PDZD2: variants seen among roughly 807,000 people sequenced by gnomAD.
PDZD2 encodes PDZ domain-containing protein 2.
PDZD2 carries 90 observed loss-of-function variants against 220.7 expected under a neutral mutation model. The observed-to-expected ratio is 0.41, with a 90% CI of 0.34 to 0.49. The LOEUF (loss-of-function observed/expected upper bound fraction) is 0.49. Ranked by LOEUF, PDZD2 falls within the 20% of genes least tolerant of loss-of-function variation. The pLI is 0.28. For missense variants in PDZD2, 3,174 were observed against 3,608.5 expected (o/e 0.88, Z 3.08); for synonymous variants, 1,375 against 1,450.5 (o/e 0.95, Z 1.18).
rs755913059 is a variant in PDZD2, at chr5:32,089,692, G to A, written c.6244G>A (p.Asp2082Asn). 1.4e-5 allele frequency: 23 copies of A among 1,614,076 alleles called. No individual in the cohort carries two copies. Among genetic ancestry groups the A allele is most frequent in the Admixed American group, 1.2e-4 (7 of 60,012 alleles). The change falls in exon 20 of 25, where the codon GAT (aspartate) becomes AAT (asparagine). Residue 2082 changes from aspartate (D) to asparagine (N), a missense_variant. Physicochemically the swap from Asp to Asn is conservative, Grantham distance 23. Coordinates refer to ENST00000438447, the MANE Select transcript of PDZD2 (RefSeq NM_178140.4). ...GEKGGNIMASDRLERTNQLKI... is the reference protein window; with the variant it reads ...GEKGGNIMASNRLERTNQLKI... ...AAAAGGAGGCAACATAATGGCCAGC[G>A]ATCGCCTCGAAAGAACAAACCAGCT...
At chr5:31,775,113 C>G (rs575976629) in intron 1 of PDZD2, among the ~76,000 whole-genome samples, 20 of 152,194 alleles carry the variant, frequency 1.3e-4, no homozygotes, top group Non-Finnish European at 2.4e-4. Context: ...AGCCTTTCTT[C>G]CTCACGCTAT....
intron 1 of PDZD2, among the ~76,000 whole-genome samples, chr5:31,790,944 C>G (rs929723724): frequency 6.6e-5 from 10 of 151,716 alleles, no homozygotes; most frequent in Non-Finnish European, 1.5e-5. Context: ...GTGATCCGCC[C>G]GCGTCGGCCT....
chr5:31,988,341 A>C (rs1750875675), intron 3 of PDZD2, among the ~76,000 whole-genome samples: 1 of 150,574 alleles, frequency 6.6e-6, no homozygotes, highest in Non-Finnish European at 1.5e-5. Flanking sequence ...TTTTACCTTT[A>C]CCAGTTTATT....
chr5:31,893,158 G>A (rs1741209134), intron 2 of PDZD2, among the ~76,000 whole-genome samples: 1 of 152,204 alleles, frequency 6.6e-6, no homozygotes, highest in Non-Finnish European at 1.5e-5. Context: ...TGTGAGGGTT[G>A]TTTGTGTAGG....
rs764539703 is a variant in PDZD2 at position 32,109,056 on chromosome 5, G to A, written c.*921G>A. 7.2e-5 allele frequency: 11 copies of A among 152,274 alleles called. No individual in the cohort carries two copies. Among genetic ancestry groups the A allele is most frequent in the Non-Finnish European group, 1.5e-4 (10 of 67,962 alleles). 9.4% of individuals were successfully genotyped at this position (152,274 alleles called of 1,614,324 possible). On this transcript the variant is annotated 3_prime_UTR_variant, in exon 25 of 25. Transcript: ENST00000438447. ...AATATCACAAGTCAGTCAGTCACTG[G>A]GTTTCCATTTCTGAATTTTATGCAC...
intron 1 of PDZD2, among the ~76,000 whole-genome samples, chr5:31,737,586 G>A (rs1258252886): frequency 6.6e-6 from 1 of 152,168 alleles, no homozygotes; most frequent in Non-Finnish European, 1.5e-5. Flanking sequence ...AATGGCCATA[G>A]GTCATTCAAT....
At chr5:31,642,872 C>T (rs1344123462) in intron 1 of PDZD2, among the ~76,000 whole-genome samples, 1 of 152,178 alleles carries the variant, frequency 6.6e-6, no homozygotes, top group Non-Finnish European at 1.5e-5. Flanking sequence ...GGCTGCGGTA[C>T]TGCTGCCTGC....
At chr5:31,849,991 TACAC>T (rs376836712) in intron 2 of PDZD2, among the ~76,000 whole-genome samples, 1 of 21,386 alleles carries the variant, frequency 4.7e-5, no homozygotes, top group African/African-American at 5.1e-4. Flanking sequence ...TATATATATA[TACAC>T]ATATATATAT....
intron 1 of PDZD2, among the ~76,000 whole-genome samples, chr5:31,712,449 T>G (rs1353733418): frequency 3.1e-5 from 2 of 64,690 alleles, no homozygotes; most frequent in Non-Finnish European, 5.6e-5. Context: ...TGGCTGGGCC[T>G]GCCTCTCTCT....
intron 10 of PDZD2, among the ~76,000 whole-genome samples, chr5:32,056,835 A>T (rs1739131029): frequency 6.6e-6 from 1 of 152,126 alleles, no homozygotes; most frequent in Non-Finnish European, 1.5e-5. Flanking sequence ...CACACCTGTA[A>T]TCCCCGCACT....
At chr5:31,686,921 G>T (rs418410) in intron 1 of PDZD2, among the ~76,000 whole-genome samples, 84,102 of 151,908 alleles carry the variant, frequency 0.55, 23,484 homozygotes, top group East Asian at 0.69. Context: ...CTGGAACAAG[G>T]TTGGCAAGTG....
intron 1 of PDZD2, among the ~76,000 whole-genome samples, chr5:31,717,866 C>T (rs1748547799): frequency 6.6e-6 from 1 of 152,154 alleles, no homozygotes; most frequent in Non-Finnish European, 1.5e-5. Context: ...CTCTGTCGTC[C>T]CTGGAAACCA....
intron 2 of PDZD2, among the ~76,000 whole-genome samples, chr5:31,957,463 C>T (rs1364767276): frequency 6.6e-6 from 1 of 152,080 alleles, no homozygotes; most frequent in African/African-American, 2.4e-5. Flanking sequence ...CACGCATTAC[C>T]GAAAATCAGA....
rs547210816 is a variant in PDZD2, at chr5:32,029,298, T to C, written c.1408-7933T>C. Among the ~76,000 whole-genome samples, 8 of 128,602 alleles carry C rather than the reference T, an allele frequency of 6.2e-5. No homozygotes were observed. In the East Asian group the frequency reaches 1.1e-3, roughly 18 times the overall value. 84.4% of individuals were successfully genotyped at this position (128,602 alleles called of 152,430 possible). A position where few individuals can be genotyped will look rare whatever the true frequency, so the allele number is the denominator to read the frequency against. On this transcript the variant is annotated intron_variant, in intron 6 of 24. Transcript: ENST00000438447. ...CAAGATTTTGTTCTTGGGACCTTAT[T>C]TAAATTTGCCAAAGGTAGTATCAAG...
chr5:32,091,278 A>AATTTTT, intron 20 of PDZD2, 103 bp downstream of exon 20: 1 of 539,598 alleles, frequency 1.9e-6, no homozygotes, highest in Non-Finnish European at 2.8e-6. Flanking sequence ...GTTCCCACTT[A>AATTTTT]CTTTTTTTTT....
intron 2 of PDZD2, among the ~76,000 whole-genome samples, chr5:31,975,237 G>A (rs540364511): frequency 2.0e-5 from 3 of 152,286 alleles, no homozygotes; most frequent in Admixed American, 6.5e-5. Flanking sequence ...GGCTGAGGAG[G>A]CCTCACAATC....
At position 31,794,999 on chromosome 5, in the gene PDZD2, G is replaced by A. The variant is rs552670011; in HGVS notation, c.-360-3890G>A. Among the ~76,000 whole-genome samples, 6 of 152,276 alleles carry A rather than the reference G, an allele frequency of 3.9e-5. No homozygotes were observed. In the East Asian group the frequency reaches 7.7e-4, roughly 20 times the overall value. ...AGGATCCTTTTATACCCCCAGCCAC[G>A]TTAAGGATCTAGGCTCTGAATTTCG... On this transcript the variant is annotated intron_variant, in intron 1 of 24. Coordinates refer to ENST00000438447, the MANE Select transcript of PDZD2 (RefSeq NM_178140.4).
intron 6 of PDZD2, among the ~76,000 whole-genome samples, chr5:32,029,228 T>A (rs1006135934): frequency 4.8e-5 from 7 of 145,934 alleles, no homozygotes; most frequent in African/African-American, 1.5e-4. Context: ...CCCTTAACAT[T>A]TAGAAAGATG....
intron 1 of PDZD2, among the ~76,000 whole-genome samples, chr5:31,757,377 G>A (rs768474519): frequency 2.6e-5 from 4 of 152,166 alleles, no homozygotes; most frequent in Non-Finnish European, 5.9e-5. Context: ...AGATCATGAG[G>A]TCAGGAGATC....
Sources: gnomAD v4.1 joint callset for allele counts (sites outside exome capture counted in the v4.1 genomes callset) on GRCh38, gnomAD v4.1.1 for gene constraint, MANE v1.5 for transcripts, NCBI Gene and HGNC (gene_info 2026-07-23, HGNC 2026-07-21) for gene names.